GABRB3: variants seen among roughly 807,000 people sequenced by gnomAD.
The protein encoded by GABRB3 is gamma-aminobutyric acid type A receptor subunit beta3.
GABRB3 carries 14 observed loss-of-function variants against 52.1 expected under a neutral mutation model. That is an observed-to-expected ratio of 0.27 (90% CI 0.18 to 0.42). The LOEUF (loss-of-function observed/expected upper bound fraction) is 0.42. Ranked by LOEUF, GABRB3 falls within the 10% of genes least tolerant of loss-of-function variation. The pLI, the probability that GABRB3 is intolerant of heterozygous loss-of-function variation, is 1.00. For missense variants in GABRB3, 307 were observed against 609.1 expected, an observed-to-expected ratio of 0.50 and a Z score of 5.22; for synonymous variants, 260 against 232.3, an observed-to-expected ratio of 1.12 and a Z score of -1.08.
chr15:26,764,285 C>A (rs147401168), intron 3 of GABRB3, among the ~76,000 whole-genome samples: 6 of 132,324 alleles, frequency 4.5e-5, no homozygotes, highest in African/African-American at 1.8e-4. Context: ...AAAAGGAATT[C>A]TTTTATTGTA....
intron 3 of GABRB3, among the ~76,000 whole-genome samples, chr15:26,701,147 C>T (rs928574770): frequency 2.6e-5 from 4 of 152,076 alleles, no homozygotes; most frequent in Admixed American, 1.3e-4. Context: ...CTATTACAAA[C>T]ATACTTAACA....
intron 3 of GABRB3, among the ~76,000 whole-genome samples, chr15:26,675,794 G>C (rs1255207359): frequency 1.3e-5 from 2 of 152,188 alleles, no homozygotes; most frequent in Non-Finnish European, 1.5e-5. Flanking sequence ...TTTTGCTAAA[G>C]ACAGGCCAGG....
chr15:26,627,479 T>C (rs949480116), intron 3 of GABRB3, among the ~76,000 whole-genome samples: 1 of 151,378 alleles, frequency 6.6e-6, no homozygotes, highest in African/African-American at 2.4e-5. Context: ...GGACTAGATG[T>C]CATTCTAGAT....
At chr15:26,730,430 A>G (rs934933873) in intron 3 of GABRB3, among the ~76,000 whole-genome samples, 8 of 151,744 alleles carry the variant, frequency 5.3e-5, no homozygotes, top group Non-Finnish European at 1.0e-4. Context: ...AAAAAAAAAA[A>G]AAAAAAAAAG....
At chr15:26,568,369 G>A (rs889712622) in intron 6 of GABRB3, among the ~76,000 whole-genome samples, 9 of 152,150 alleles carry the variant, frequency 5.9e-5, no homozygotes, top group Admixed American at 2.0e-4. Flanking sequence ...GTTAATTCTC[G>A]GATGTGAACA....
In GABRB3 at chr15:26,546,084, T is replaced by C. The variant is rs1336733816; in HGVS notation, c.*1709A>G. ...ACATCGAGACAACTGGGGCCTACCATTGGAGCACTCTGGTCCTTGGTTTTG... is the reference window on the plus strand; with the variant it reads ...ACATCGAGACAACTGGGGCCTACCACTGGAGCACTCTGGTCCTTGGTTTTG... On this transcript the variant is annotated 3_prime_UTR_variant, in exon 9 of 9. Coordinates refer to ENST00000311550, the MANE Select transcript of GABRB3 (RefSeq NM_000814.6). The C allele has an allele frequency of 6.6e-6, 1 of 152,554 alleles. No individual in the cohort carries two copies. Among genetic ancestry groups the C allele is most frequent in the African/African-American group, 2.4e-5 (1 of 41,402 alleles). The allele number at this position is 152,554 out of a possible 1,614,324, so 9.5% of individuals were successfully genotyped here. A position where few individuals can be genotyped will look rare whatever the true frequency, so the allele number is the denominator to read the frequency against.
At chr15:26,757,451 T>G (rs1172510193) in intron 3 of GABRB3, among the ~76,000 whole-genome samples, 1 of 152,202 alleles carries the variant, frequency 6.6e-6, no homozygotes, top group Non-Finnish European at 1.5e-5. Context: ...CTTGAGGACT[T>G]ATGAGTGTCA....
At chr15:26,762,202 A>T (rs574823744) in intron 3 of GABRB3, among the ~76,000 whole-genome samples, 18 of 152,264 alleles carry the variant, frequency 1.2e-4, no homozygotes, top group South Asian at 4.2e-4. Context: ...CCTCCCCTCA[A>T]TGTCACAGAG....
chr15:26,751,442 C>T (rs927595212), intron 3 of GABRB3, among the ~76,000 whole-genome samples: 1 of 152,136 alleles, frequency 6.6e-6, no homozygotes, highest in African/African-American at 2.4e-5. Context: ...AATAACAGTG[C>T]AGTGATCAGA....
intron 3 of GABRB3, among the ~76,000 whole-genome samples, chr15:26,738,023 T>C (rs1009504333): frequency 1.3e-5 from 2 of 152,146 alleles, no homozygotes; most frequent in African/African-American, 4.8e-5. Context: ...CTAGGCAAAA[T>C]TTATCGACTT....
intron 8 of GABRB3, among the ~76,000 whole-genome samples, chr15:26,557,291 G>C (rs1163582965): frequency 1.3e-5 from 2 of 152,116 alleles, no homozygotes; most frequent in African/African-American, 2.4e-5. Flanking sequence ...AAGGGTGAGA[G>C]GACGAAGAGG....
chr15:26,601,107 T>C (rs927737708), intron 4 of GABRB3, among the ~76,000 whole-genome samples: 1 of 152,028 alleles, frequency 6.6e-6, no homozygotes, highest in African/African-American at 2.4e-5. Context: ...GCAAAAATCT[T>C]TAGAAGAAGC....
chr15:26,773,589 T>A (rs1007176665), upstream of GABRB3: 2 of 1,436,632 alleles, frequency 1.4e-6, no homozygotes, highest in Non-Finnish European at 1.9e-6. Context: ...CCCGCCGGAC[T>A]GCGGGCCGCC....
At chr15:26,773,284 G>A (rs974209464), upstream of GABRB3, among the ~76,000 whole-genome samples, 11 of 150,244 alleles carry the variant, frequency 7.3e-5, no homozygotes, top group Non-Finnish European at 3.0e-5. Context: ...CCGCCTCGGC[G>A]GCCGCCGCAC....
Position 26,639,199 on chromosome 15 carries a change from C to T in GABRB3, c.241-17665G>A, listed in dbSNP as rs527772415. On this transcript the variant is annotated intron_variant, in intron 3 of 8. Transcript: ENST00000311550. ...TGCTATAATAATCATGGCCATCAAC[C>T]CAATGCCCGTTGTTAATTCCAAAAT... Among the ~76,000 whole-genome samples, 6 of 152,136 alleles carry T rather than the reference C, an allele frequency of 3.9e-5. No homozygotes were observed. In the South Asian group the frequency reaches 1.2e-3, roughly 32 times the overall value.
At chr15:26,669,792 T>A (rs1173612823) in intron 3 of GABRB3, among the ~76,000 whole-genome samples, 1 of 152,220 alleles carries the variant, frequency 6.6e-6, no homozygotes. Flanking sequence ...ACAACCACCA[T>A]CACCCACTCC....
upstream of GABRB3, chr15:26,773,681 G>C (rs121913126): frequency 6.3e-7 from 1 of 1,575,684 alleles, no homozygotes; most frequent in African/African-American, 1.3e-5. Flanking sequence ...CAGGGTCCAG[G>C]AGAGCCAGAT....
Position 26,597,964 on chromosome 15 carries a change from C to T in GABRB3, c.462-14550G>A, listed in dbSNP as rs182909273. On this transcript the variant is annotated intron_variant, in intron 4 of 8. Coordinates refer to ENST00000311550, the MANE Select transcript of GABRB3 (RefSeq NM_000814.6). Reference sequence around the variant, plus strand: ...CCCAAGTCCCTGCTCTTTGCCACTGCAGGCTTCCAGCCTGAAGTACAAATG... The same window carrying T: ...CCCAAGTCCCTGCTCTTTGCCACTGTAGGCTTCCAGCCTGAAGTACAAATG... 3.3e-5 allele frequency among the ~76,000 whole-genome samples: 5 copies of T among 152,352 alleles called. No homozygotes were observed. In the East Asian group the frequency reaches 7.7e-4, roughly 24 times the overall value.
At chr15:26,681,876 G>A (rs1888250755) in intron 3 of GABRB3, among the ~76,000 whole-genome samples, 1 of 152,100 alleles carries the variant, frequency 6.6e-6, no homozygotes, top group Admixed American at 6.6e-5. Context: ...GGAGGTGGAG[G>A]TGGAAGGATC....
Sources: gnomAD v4.1 joint callset for allele counts (sites outside exome capture counted in the v4.1 genomes callset) on GRCh38, gnomAD v4.1.1 for gene constraint, MANE v1.5 for transcripts, NCBI Gene and HGNC (gene_info 2026-07-23, HGNC 2026-07-21) for gene names.